The following CYB5A variants were observed in gnomAD, a reference collection of about 807,000 sequenced individuals.
CYB5A encodes the protein cytochrome b5.
In CYB5A, 10 loss-of-function variants were observed where a neutral mutation model predicts 16.2. The ratio of observed to expected loss-of-function variants is 0.62; its 90% CI spans 0.38 to 1.04. CYB5A has a LOEUF of 1.04. CYB5A is among the 50% of genes least tolerant of loss of function. The probability of loss-of-function intolerance (pLI) is 0.01; values close to 1 mark genes in which losing one functional copy is unlikely to be tolerated. For synonymous variants in CYB5A, 62 were observed against 57.0 expected, an observed-to-expected ratio of 1.09 and a Z score of -0.40; for missense variants, 161 against 165.9, an observed-to-expected ratio of 0.97 and a Z score of 0.16.
intron 1 of CYB5A, among the ~76,000 whole-genome samples, chr18:74,267,928 G>A (rs745705313): frequency 5.8e-4 from 89 of 152,174 alleles, no homozygotes; most frequent in Non-Finnish European, 1.0e-3. Context: ...AGGATGTCGC[G>A]GGTCAGTAAG....
chr18:74,268,168 A>G (rs1982523010), intron 1 of CYB5A, among the ~76,000 whole-genome samples: 1 of 152,246 alleles, frequency 6.6e-6, no homozygotes, highest in South Asian at 2.1e-4. Flanking sequence ...GAGATGAAAC[A>G]TGAATAACTA....
intron 1 of CYB5A, among the ~76,000 whole-genome samples, chr18:74,266,157 C>A (rs762378099): frequency 7.2e-5 from 11 of 152,206 alleles, no homozygotes; most frequent in Non-Finnish European, 1.5e-4. Context: ...CAAAGCCAAC[C>A]CGAAACTTCT....
At chr18:74,260,068 G>A (rs1982139005) in intron 3 of CYB5A, 1 of 152,284 alleles carries the variant, frequency 6.6e-6, no homozygotes, top group African/African-American at 2.4e-5. Flanking sequence ...TCCTTTTGTA[G>A]ATTAAAGATG....
intron 1 of CYB5A, among the ~76,000 whole-genome samples, chr18:74,279,969 G>T (rs928766839): frequency 6.6e-6 from 1 of 152,194 alleles, no homozygotes; most frequent in Admixed American, 6.5e-5. Flanking sequence ...GAAGGACACA[G>T]AGAAGCAAAA....
chr18:74,268,517 G>A (rs764228295), intron 1 of CYB5A, among the ~76,000 whole-genome samples: 11 of 152,128 alleles, frequency 7.2e-5, no homozygotes, highest in Admixed American at 1.3e-4. Context: ...CTAAGTGGGG[G>A]AGGTAACGCG....
chr18:74,288,773 C>T (rs1039224785), intron 1 of CYB5A, among the ~76,000 whole-genome samples: 6 of 152,164 alleles, frequency 3.9e-5, no homozygotes, highest in Non-Finnish European at 8.8e-5. Context: ...GAGAGGCTCC[C>T]AGAGGCTTTG....
chr18:74,283,833 G>A (rs539963189), intron 1 of CYB5A, among the ~76,000 whole-genome samples: 18 of 152,276 alleles, frequency 1.2e-4, no homozygotes, highest in Admixed American at 9.2e-4. Context: ...GCTCCTTATC[G>A]TCTGTGGGAC....
At chr18:74,257,139 C>A in intron 3 of CYB5A, 1 of 430,988 alleles carries the variant, frequency 2.3e-6, no homozygotes, top group Non-Finnish European at 4.2e-6. Flanking sequence ...TTTGAAACAG[C>A]CAACGGAAGG....
At chr18:74,271,923 T>A (rs1446244201) in intron 1 of CYB5A, among the ~76,000 whole-genome samples, 1 of 152,222 alleles carries the variant, frequency 6.6e-6, no homozygotes, top group African/African-American at 2.4e-5. Flanking sequence ...GGATCAAGCC[T>A]GACCTGTTTC....
intron 1 of CYB5A, among the ~76,000 whole-genome samples, chr18:74,269,842 C>T (rs1435223423): frequency 1.3e-5 from 2 of 152,124 alleles, no homozygotes; most frequent in African/African-American, 4.8e-5. Flanking sequence ...AGCATCAGTT[C>T]CCCTGAGATC....
At chr18:74,256,837 C>A (rs1175834964) in intron 3 of CYB5A, 5 of 1,613,970 alleles carry the variant, frequency 3.1e-6, no homozygotes, top group Non-Finnish European at 4.2e-6. Context: ...AACCTTGAAA[C>A]ACCGCCTTTA....
At chr18:74,276,405 A>C (rs1184650239) in intron 1 of CYB5A, among the ~76,000 whole-genome samples, 1 of 152,100 alleles carries the variant, frequency 6.6e-6, no homozygotes, top group Non-Finnish European at 1.5e-5. Flanking sequence ...ATGTCTTAAA[A>C]ATAAAGTTTC....
chr18:74,260,940 T>C lies in CYB5A; in HGVS notation c.263A>G (p.Asp88Gly). 6.2e-7 allele frequency: 1 copy of C among 1,612,054 alleles called. No individual in the cohort carries two copies. Reference sequence around the variant, plus strand: ...CGGAGGCTTGTTTAACTTTGGTCTGTCATCCTGCAATGAAAAGATAAGGCA... The same window carrying C: ...CGGAGGCTTGTTTAACTTTGGTCTGCCATCCTGCAATGAAAAGATAAGGCA... ...TFIIGELHPD[D>G]RPKLNKPPET... Residue 88 changes from aspartate (D) to glycine (G), a missense_variant, in exon 3 of 5, where the codon GAC becomes GGC. Transcript: ENST00000340533.
At chr18:74,273,050 T>C (rs1982732272) in intron 1 of CYB5A, among the ~76,000 whole-genome samples, 1 of 152,240 alleles carries the variant, frequency 6.6e-6, no homozygotes, top group South Asian at 2.1e-4. Context: ...GTTGTAATTG[T>C]ACTTGTAAAG....
rs1244257668 is a variant in CYB5A at position 74,291,734 on chromosome 18, A to G, written c.129+13T>C. The stretch of plus-strand genomic sequence containing the variant: ...ACGCTCCCTGCGCCCCAAGCCGCTC[A>G]TCCCCAACTCACCTCTTCCAGAAAT... On this transcript the variant is annotated intron_variant, in intron 1 of 4. Transcript: ENST00000340533. The G allele has an allele frequency of 6.2e-7, 1 of 1,613,762 alleles. No homozygotes were observed. The highest frequency in any genetic ancestry group is 1.1e-5 in the South Asian group (1 of 91,082).
intron 2 of CYB5A, 161 bp from the exon 3 acceptor site, chr18:74,261,105 CAGCAAAAATTAGT>C: frequency 1.6e-6 from 1 of 639,374 alleles, no homozygotes; most frequent in South Asian, 1.7e-5. Flanking sequence ...TCTGATTTAA[CAGCAAAAATTAGT>C]AGCAGATTAA....
intron 1 of CYB5A, among the ~76,000 whole-genome samples, chr18:74,266,784 GATT>G (rs1244755898): frequency 6.7e-6 from 1 of 149,514 alleles, no homozygotes; most frequent in African/African-American, 2.5e-5. Context: ...AAACATCTTG[GATT>G]ATATTGGTTT....
intron 1 of CYB5A, among the ~76,000 whole-genome samples, chr18:74,281,447 G>A (rs571282588): frequency 1.3e-5 from 2 of 152,318 alleles, no homozygotes; most frequent in South Asian, 4.1e-4. Context: ...GGACAGAAGA[G>A]AAGTGGGAAA....
At chr18:74,280,825 C>G (rs942402899) in intron 1 of CYB5A, among the ~76,000 whole-genome samples, 3 of 152,080 alleles carry the variant, frequency 2.0e-5, no homozygotes, top group Non-Finnish European at 4.4e-5. Flanking sequence ...CATGGACATA[C>G]GTATGTGTCC....
Sources: allele counts gnomAD v4.1 joint callset (sites outside exome capture counted in the v4.1 genomes callset), GRCh38; gene constraint gnomAD v4.1.1; transcripts MANE v1.5; gene names NCBI Gene and HGNC (gene_info 2026-07-23, HGNC 2026-07-21).